Variants in ZNF490 observed in about 807,000 individuals in gnomAD.
The protein encoded by ZNF490 is zinc finger protein 490.
A neutral mutation model predicts 17.7 loss-of-function variants in ZNF490; 11 were observed. The observed-to-expected ratio is 0.62, with a 90% CI of 0.39 to 1.03. ZNF490 has a LOEUF of 1.03. Ranked by LOEUF, ZNF490 falls within the 50% of genes least tolerant of loss-of-function variation. ZNF490 has a pLI of 0.00. For missense variants in ZNF490, 542 were observed against 643.4 expected (o/e 0.84, Z 1.71); for synonymous variants, 222 against 216.1 (o/e 1.03, Z -0.24).
intron 2 of ZNF490, among the ~76,000 whole-genome samples, chr19:12,598,482 C>T (rs1035831479): frequency 6.6e-5 from 10 of 150,746 alleles, no homozygotes; most frequent in African/African-American, 2.4e-4. Flanking sequence ...TCAAGCGATT[C>T]TCCCGCCTCA....
Position 12,584,659 on chromosome 19 carries a change from T to C in ZNF490, c.163-1103A>G, listed in dbSNP as rs1413887487. On this transcript the variant is annotated intron_variant, in intron 2 of 4. Transcript: ENST00000311437. Reference sequence around the variant, plus strand: ...GATTTTAATAAATGAATACACCCTTTAGACTATAAGCTGCACATCTCCCAT... The same window carrying C: ...GATTTTAATAAATGAATACACCCTTCAGACTATAAGCTGCACATCTCCCAT... Among the ~76,000 whole-genome samples the C allele has an allele frequency of 2.1e-5, 2 of 94,142 alleles. 1 individual carries two copies. The highest frequency in any genetic ancestry group is 6.4e-5 in the African/African-American group (2 of 31,378). 61.8% of individuals were successfully genotyped at this position (94,142 alleles called of 152,430 possible). A position where few individuals can be genotyped will look rare whatever the true frequency, so the allele number is the denominator to read the frequency against.
chr19:12,609,720 T>C (rs1008198255), intron 1 of ZNF490: 5 of 287,322 alleles, frequency 1.7e-5, no homozygotes, highest in South Asian at 1.5e-4. Context: ...CTAAGTGCGA[T>C]GATGCAAAAA....
chr19:12,583,789 CTCTATA>C (rs1343333819), intron 2 of ZNF490, among the ~76,000 whole-genome samples: 19 of 87,890 alleles, frequency 2.2e-4, no homozygotes, highest in South Asian at 7.7e-4. Context: ...CTCTCTCTCT[CTCTATA>C]TATATATATA....
Position 12,578,037 on chromosome 19 carries a change from C to T in ZNF490, c.*2448G>A, listed in dbSNP as rs1035224410. 5.0e-5 allele frequency: 49 copies of T among 985,276 alleles called. No individual in the cohort carries two copies. Among genetic ancestry groups the T allele is most frequent in the Non-Finnish European group, 5.8e-5 (48 of 829,956 alleles). The allele number at this position is 985,276 out of a possible 1,614,324, so 61.0% of individuals were successfully genotyped here. ...GCAAGGTAGTTCCATGGCTTGTGAACCCTGACACCAGCACCTCCCATACAC... is the reference window on the plus strand; with the variant it reads ...GCAAGGTAGTTCCATGGCTTGTGAATCCTGACACCAGCACCTCCCATACAC... On this transcript the variant is annotated 3_prime_UTR_variant, in exon 5 of 5. Transcript: ENST00000311437.
In ZNF490 at chr19:12,609,061, G is replaced by A. The variant is rs957672552; in HGVS notation, c.162+97C>T. The A allele has an allele frequency of 3.0e-5, 37 of 1,232,518 alleles. No homozygotes were observed. In the African/African-American group the frequency reaches 3.3e-4, roughly 11 times the overall value. 76.3% of individuals were successfully genotyped at this position (1,232,518 alleles called of 1,614,324 possible). A position where few individuals can be genotyped will look rare whatever the true frequency, so the allele number is the denominator to read the frequency against. ...TATGGGAGTGCCTTCACAAAGACCC[G>A]AAAGACCCCCCCACAAAGAGGTCAT... On this transcript the variant is annotated intron_variant, in intron 2 of 4. Transcript: ENST00000311437.
intron 2 of ZNF490, among the ~76,000 whole-genome samples, chr19:12,591,654 G>A (rs1011490461): frequency 2.6e-5 from 4 of 151,406 alleles, no homozygotes; most frequent in Non-Finnish European, 5.9e-5. Context: ...CAGCATTAGG[G>A]AATAAAAAAA....
At position 12,587,468 on chromosome 19, in the gene ZNF490, G is replaced by C. The variant is rs1257065451; in HGVS notation, c.163-3912C>G. Among the ~76,000 whole-genome samples, 4 of 59,116 alleles carry C rather than the reference G, an allele frequency of 6.8e-5. 1 individual carries two copies. The highest frequency in any genetic ancestry group is 2.0e-4 in the African/African-American group (4 of 20,226). The allele number at this position is 59,116 out of a possible 152,430, so 38.8% of individuals were successfully genotyped here. A position where few individuals can be genotyped will look rare whatever the true frequency, so the allele number is the denominator to read the frequency against. ...CACTTTAAATATATCACAAAGATTG[G>C]GGGGAGGGGGGAGGGATAGCATTAG... On this transcript the variant is annotated intron_variant, in intron 2 of 4. Coordinates refer to ENST00000311437, the MANE Select transcript of ZNF490 (RefSeq NM_020714.3).
rs535953166 is a variant in ZNF490, at chr19:12,586,837, G to A, written c.163-3281C>T. ...TGTAATCCCAGAACTTTGGGAGGCCGAGGCAGGAGGACCTCTTGAGGTCAG... is the reference window on the plus strand; with the variant it reads ...TGTAATCCCAGAACTTTGGGAGGCCAAGGCAGGAGGACCTCTTGAGGTCAG... On this transcript the variant is annotated intron_variant, in intron 2 of 4. Transcript: ENST00000311437. Among the ~76,000 whole-genome samples the A allele has an allele frequency of 5.6e-4, 52 of 93,286 alleles. 15 individuals are homozygous for A. Among genetic ancestry groups the A allele is most frequent in the African/African-American group, 1.6e-3 (51 of 31,348 alleles). The allele number at this position is 93,286 out of a possible 152,430, so 61.2% of individuals were successfully genotyped here. A position where few individuals can be genotyped will look rare whatever the true frequency, so the allele number is the denominator to read the frequency against.
Position 12,578,488 on chromosome 19 carries a change from A to G in ZNF490, c.*1997T>C. The G allele has an allele frequency of 1.0e-6, 1 of 985,408 alleles. No homozygotes were observed. The highest frequency in any genetic ancestry group is 1.2e-6 in the Non-Finnish European group (1 of 829,944). The allele number at this position is 985,408 out of a possible 1,614,324, so 61.0% of individuals were successfully genotyped here. A position where few individuals can be genotyped will look rare whatever the true frequency, so the allele number is the denominator to read the frequency against. On this transcript the variant is annotated 3_prime_UTR_variant, in exon 5 of 5. Transcript: ENST00000311437. The stretch of plus-strand genomic sequence containing the variant: ...GTTGCCACAGAGAAATTCAGATGTG[A>G]ATGTTTAAACAAGTGTCCAAAGTGT...
intron 4 of ZNF490, among the ~76,000 whole-genome samples, chr19:12,582,501 TCTCCTG>T (rs2145141348): frequency 6.6e-6 from 1 of 152,074 alleles, no homozygotes; most frequent in African/African-American, 2.4e-5. Context: ...TTCAAGCGAT[TCTCCTG>T]CCTCAGCCTC....
At chr19:12,605,885 A>T (rs903184107) in intron 2 of ZNF490, among the ~76,000 whole-genome samples, 1 of 151,740 alleles carries the variant, frequency 6.6e-6, no homozygotes, top group African/African-American at 2.4e-5. Flanking sequence ...ATTTTTTTTT[A>T]ATTTAATTTT....
chr19:12,582,743 G>A, intron 4 of ZNF490, 107 bp downstream of exon 4: 2 of 1,025,332 alleles, frequency 2.0e-6, no homozygotes, highest in Non-Finnish European at 3.0e-6. Context: ...TTCTAAGAAT[G>A]AATAAACCTG....
intron 4 of ZNF490, 116 bp from the exon 5 acceptor site, chr19:12,581,840 T>C (rs1599305013): frequency 5.2e-6 from 5 of 959,640 alleles, no homozygotes; most frequent in East Asian, 5.3e-5. Context: ...TTATCTGCCC[T>C]GTCTAAATTG....
Position 12,578,808 on chromosome 19 carries a change from A to G in ZNF490, c.*1677T>C, listed in dbSNP as rs2022678682. 5.1e-6 allele frequency: 5 copies of G among 985,334 alleles called. No homozygotes were observed. The highest frequency in any genetic ancestry group is 6.0e-6 in the Non-Finnish European group (5 of 829,968). The allele number at this position is 985,334 out of a possible 1,614,324, so 61.0% of individuals were successfully genotyped here. Reference sequence around the variant, plus strand: ...TCCTAACTTCTGACTGGATGCCACAAAAGGCCTGCTGGGGCCCAAGTCCTT... The same window carrying G: ...TCCTAACTTCTGACTGGATGCCACAGAAGGCCTGCTGGGGCCCAAGTCCTT... On this transcript the variant is annotated 3_prime_UTR_variant, in exon 5 of 5. Transcript: ENST00000311437.
At position 12,581,543 on chromosome 19, in the gene ZNF490, G is replaced by A; in HGVS notation, c.532C>T (p.His178Tyr). 15 of 1,614,068 alleles carry A rather than the reference G, an allele frequency of 9.3e-6. No homozygotes were observed. Among genetic ancestry groups the A allele is most frequent in the Non-Finnish European group, 1.3e-5 (15 of 1,180,002 alleles). The change falls in exon 5 of 5, where the codon CAC (histidine) becomes TAC (tyrosine). Residue 178 changes from histidine (H) to tyrosine (Y), a missense_variant. Transcript: ENST00000311437. ...QVSLNRHMRS[H>Y]TEQKPNECHE... ...CACTCATTTGGTTTCTGTTCAGTGT[G>A]AGATCTCATGTGCCTATTAAGGGAG...
chr19:12,592,789 A>G (rs1252987691), intron 2 of ZNF490, among the ~76,000 whole-genome samples: 5 of 152,372 alleles, frequency 3.3e-5, no homozygotes, highest in African/African-American at 1.2e-4. Flanking sequence ...AGGATAAACT[A>G]TGTGGAGGCA....
At position 12,578,437 on chromosome 19, in the gene ZNF490, A is replaced by G; in HGVS notation, c.*2048T>C. 1.0e-6 allele frequency: 1 copy of G among 985,458 alleles called. No individual in the cohort carries two copies. Among genetic ancestry groups the G allele is most frequent in the Non-Finnish European group, 1.2e-6 (1 of 829,966 alleles). 61.0% of individuals were successfully genotyped at this position (985,458 alleles called of 1,614,324 possible). ...CCCATGATACAGGCTCTGCTTCTTC[A>G]GTCTCTCACCTCAGAGCCACCTGCG... On this transcript the variant is annotated 3_prime_UTR_variant, in exon 5 of 5. Coordinates refer to ENST00000311437, the MANE Select transcript of ZNF490 (RefSeq NM_020714.3).
chr19:12,606,408 G>T (rs910556630), intron 2 of ZNF490, among the ~76,000 whole-genome samples: 3 of 146,738 alleles, frequency 2.0e-5, no homozygotes, highest in Non-Finnish European at 4.5e-5. Flanking sequence ...GCAGTGGCAT[G>T]ATCTCAGCTC....
At position 12,578,160 on chromosome 19, in the gene ZNF490, T is replaced by C. The variant is rs1479802220; in HGVS notation, c.*2325A>G. 7.1e-6 allele frequency: 7 copies of C among 985,346 alleles called. No individual in the cohort carries two copies. Among genetic ancestry groups the C allele is most frequent in the Non-Finnish European group, 6.0e-6 (5 of 830,002 alleles). The allele number at this position is 985,346 out of a possible 1,614,324, so 61.0% of individuals were successfully genotyped here. On this transcript the variant is annotated 3_prime_UTR_variant, in exon 5 of 5. Coordinates refer to ENST00000311437, the MANE Select transcript of ZNF490 (RefSeq NM_020714.3). ...GAAACCAGTCCTGGAGCAGGATGCA[T>C]GTGACATGCACTGACGTGAGAAGGC... is the stretch of plus-strand genomic sequence containing the variant.
Sources: gnomAD v4.1 joint callset for allele counts (sites outside exome capture counted in the v4.1 genomes callset) on GRCh38, gnomAD v4.1.1 for gene constraint, MANE v1.5 for transcripts, NCBI Gene and HGNC (gene_info 2026-07-23, HGNC 2026-07-21) for gene names.